The following NLRP5 variants were observed in gnomAD, a reference collection of about 807,000 sequenced individuals.
NLRP5 encodes NACHT, LRR and PYD domains-containing protein 5.
NLRP5 carries 93 observed loss-of-function variants against 113.1 expected under a neutral mutation model. That is an observed-to-expected ratio of 0.82 (90% CI 0.70 to 0.98). The LOEUF is 0.98. NLRP5 is among the 50% of genes least tolerant of loss of function. NLRP5 has a pLI of 0.00. For missense variants in NLRP5, 1,808 were observed against 1,514.3 expected (o/e 1.19, Z -3.22); for synonymous variants, 751 against 600.7 (o/e 1.25, Z -3.66).
rs1190420947 is a variant in NLRP5, at chr19:56,061,471, A to G, written c.3546A>G (p.Val1182=). The G allele has an allele frequency of 2.5e-6, 4 of 1,614,036 alleles. No individual in the cohort carries two copies. Among genetic ancestry groups the G allele is most frequent in the South Asian group, 1.1e-5 (1 of 91,086 alleles). The change falls in exon 15 of 15, where the codon GTA becomes GTG. Residue 1182 remains valine (V), a synonymous_variant. Coordinates refer to ENST00000390649, the MANE Select transcript of NLRP5 (RefSeq NM_153447.4). Reference sequence around the variant, plus strand: ...TGCAGCTACTCAAGCCCCGAGTCGTAATTGACGGTAGTTGGCATTCTTTTG... The same window carrying G: ...TGCAGCTACTCAAGCCCCGAGTCGTGATTGACGGTAGTTGGCATTCTTTTG...
chr19:56,055,766 C>T (rs571849317), intron 13 of NLRP5, among the ~76,000 whole-genome samples: 21 of 151,598 alleles, frequency 1.4e-4, no homozygotes, highest in East Asian at 1.2e-3. Context: ...AGGATGGTCT[C>T]AATCTCCTGA....
chr19:56,010,920 G>A (rs558068419), intron 3 of NLRP5, among the ~76,000 whole-genome samples: 1 of 151,924 alleles, frequency 6.6e-6, no homozygotes, highest in Non-Finnish European at 1.5e-5. Context: ...GGGAGGCTGA[G>A]GCAGGCAGAT....
chr19:56,007,134 G>T lies in NLRP5; in HGVS notation c.443-1654G>T, dbSNP rs185969474. Among the ~76,000 whole-genome samples, 1,482 of 151,528 alleles carry T rather than the reference G, an allele frequency of 9.8e-3. 18 individuals carry two copies. Among genetic ancestry groups the T allele is most frequent in the Non-Finnish European group, 0.015 (1,009 of 68,010 alleles). On this transcript the variant is annotated intron_variant, in intron 2 of 14. Transcript: ENST00000390649. ...TCCCAATACTTTGAGAGTCCTAGGC[G>T]GGCGGATCACTTGAGGTCAGGAGTT...
rs1390276079 is a variant in NLRP5, at chr19:56,027,646, C to T, written c.1413C>T (p.Pro471=). ...AGCTGCTCGACCAGTGCCAGGTGCCCGCCGTGGGCTCTCTCATCTGCGTGG... is the reference window on the plus strand; with the variant it reads ...AGCTGCTCGACCAGTGCCAGGTGCCTGCCGTGGGCTCTCTCATCTGCGTGG... The change falls in exon 7 of 15, where the codon CCC becomes CCT. Residue 471 remains proline, a synonymous_variant. Coordinates refer to ENST00000390649, the MANE Select transcript of NLRP5 (RefSeq NM_153447.4). 11 of 1,613,430 alleles carry T rather than the reference C, an allele frequency of 6.8e-6. No individual in the cohort carries two copies. Among genetic ancestry groups the T allele is most frequent in the South Asian group, 3.3e-5 (3 of 91,080 alleles).
At chr19:56,040,825 T>G in intron 10 of NLRP5, 97 bp from the exon 11 acceptor site, 1 of 1,020,436 alleles carries the variant, frequency 9.8e-7, no homozygotes. Flanking sequence ...ATGCCAACTA[T>G]GGGGGTGATA....
chr19:56,005,258 TATATACAC>T (rs1482844639), intron 2 of NLRP5, among the ~76,000 whole-genome samples: 7 of 144,702 alleles, frequency 4.8e-5, no homozygotes, highest in African/African-American at 1.8e-4. Context: ...TATATATTTA[TATATACAC>T]ATACACATAT....
At chr19:56,003,356 G>A (rs1981729270) in intron 1 of NLRP5, among the ~76,000 whole-genome samples, 2 of 152,154 alleles carry the variant, frequency 1.3e-5, no homozygotes, top group East Asian at 3.9e-4. Flanking sequence ...GTTTCACCAT[G>A]TTGGCCAGGC....
intron 13 of NLRP5, 129 bp from the exon 14 acceptor site, chr19:56,058,111 C>A: frequency 1.4e-6 from 1 of 736,302 alleles, no homozygotes; most frequent in Non-Finnish European, 2.1e-6. Flanking sequence ...CCACCAGTTT[C>A]ATTTTTTGTT....
chr19:56,012,560 G>A (rs1982237408), intron 3 of NLRP5, among the ~76,000 whole-genome samples: 1 of 98,018 alleles, frequency 1.0e-5, no homozygotes, highest in African/African-American at 3.9e-5. Flanking sequence ...TCCAGTCTTA[G>A]GACATTTCCA....
chr19:56,048,319 T>G (rs1199433663), intron 11 of NLRP5, among the ~76,000 whole-genome samples: 4 of 152,216 alleles, frequency 2.6e-5, no homozygotes, highest in Admixed American at 2.6e-4. Context: ...TATTTTTGTT[T>G]TGTAAGTCCT....
chr19:56,007,904 C>CGT (rs57588214), intron 2 of NLRP5, among the ~76,000 whole-genome samples: 3,211 of 110,044 alleles, frequency 0.029, 288 homozygotes, highest in Admixed American at 0.082. Context: ...TGCGCGCGTG[C>CGT]GTGTGTGTGT....
intron 7 of NLRP5, 44 bp downstream of exon 7, chr19:56,028,553 C>CTG: frequency 6.4e-7 from 1 of 1,556,132 alleles, no homozygotes; most frequent in African/African-American, 1.4e-5. Flanking sequence ...GTGCTGAGCT[C>CTG]TGTGTCTCTA....
chr19:55,999,742 G>T lies in NLRP5; in HGVS notation c.17G>T (p.Gly6Val). ...GATGTTATCATGAAGGTTGCAGGAG[G>T]ACTTGAACTTGGAGCTGCTGCTCTG... Residue 6 changes from glycine (G) to valine (V), a missense_variant, in exon 1 of 15, where the codon GGA (glycine) becomes GTA (valine). Gly to Val is a moderately radical substitution (Grantham distance 109). Coordinates refer to ENST00000390649, the MANE Select transcript of NLRP5 (RefSeq NM_153447.4). The T allele has an allele frequency of 6.2e-7, 1 of 1,613,252 alleles. No individual in the cohort carries two copies. The highest frequency in any genetic ancestry group is 1.1e-5 in the South Asian group (1 of 91,054).
chr19:56,008,140 G>C (rs1009427802), intron 2 of NLRP5, among the ~76,000 whole-genome samples: 1 of 151,160 alleles, frequency 6.6e-6, no homozygotes, highest in Non-Finnish European at 1.5e-5. Context: ...ATGTTAGCCA[G>C]GATGGTCTCG....
intron 11 of NLRP5, among the ~76,000 whole-genome samples, chr19:56,049,291 T>C (rs2123334013): frequency 6.6e-6 from 1 of 152,216 alleles, no homozygotes; most frequent in South Asian, 2.1e-4. Flanking sequence ...GCGATTCTAC[T>C]GCCTCAGCCT....
At chr19:56,039,982 G>T (rs1055071391) in intron 10 of NLRP5, among the ~76,000 whole-genome samples, 3 of 152,106 alleles carry the variant, frequency 2.0e-5, no homozygotes, top group Non-Finnish European at 4.4e-5. Flanking sequence ...TTGGGGGGTG[G>T]TCTTGCTCAC....
At chr19:55,992,065 C>A in the NLRP5 span, among the ~76,000 whole-genome samples, 1 of 151,950 alleles carries the variant, frequency 6.6e-6, no homozygotes, top group African/African-American at 2.4e-5. Context: ...TGGTTCCCCT[C>A]TTTGTGTCCA....
At chr19:56,020,051 G>T (rs1982557214) in intron 5 of NLRP5, among the ~76,000 whole-genome samples, 1 of 151,770 alleles carries the variant, frequency 6.6e-6, no homozygotes, top group Non-Finnish European at 1.5e-5. Flanking sequence ...TGGCCAAGCT[G>T]GTCTCGAACT....
At chr19:55,988,175 T>G in the NLRP5 span, 1 of 246,176 alleles carries the variant, frequency 4.1e-6, no homozygotes, top group Non-Finnish European at 7.9e-6. Context: ...GCAGATTACC[T>G]GAGGTCAGGA....
Sources: allele counts gnomAD v4.1 joint callset (sites outside exome capture counted in the v4.1 genomes callset), GRCh38; gene constraint gnomAD v4.1.1; transcripts MANE v1.5; gene names NCBI Gene and HGNC (gene_info 2026-07-23, HGNC 2026-07-21).